Variants in TANC2 observed in about 807,000 individuals in gnomAD.
TANC2 encodes the protein tetratricopeptide repeat, ankyrin repeat and coiled-coil containing 2, also known as protein TANC2.
Under a neutral mutation model 210.5 loss-of-function variants are expected in TANC2, and 26 were observed. The observed-to-expected ratio is 0.12, with a 90% CI of 0.09 to 0.17. The LOEUF (loss-of-function observed/expected upper bound fraction) is 0.17, where lower values mean the gene tolerates loss of function less well. TANC2 is among the 10% of genes least tolerant of loss of function. The pLI, the probability that TANC2 is intolerant of heterozygous loss-of-function variation, is 1.00. For synonymous variants in TANC2, 931 were observed against 967.1 expected (o/e 0.96, Z 0.69); for missense variants, 2,129 against 2,608.9 (o/e 0.82, Z 4.01).
At chr17:63,370,849 T>C (rs2047246224) in intron 14 of TANC2, among the ~76,000 whole-genome samples, 1 of 152,228 alleles carries the variant, frequency 6.6e-6, no homozygotes, top group Admixed American at 6.5e-5. Context: ...ATATTATTTC[T>C]GTCTGCATTT....
intron 3 of TANC2, among the ~76,000 whole-genome samples, chr17:63,093,755 A>C (rs540104295): frequency 1.3e-5 from 2 of 152,246 alleles, no homozygotes; most frequent in South Asian, 4.1e-4. Context: ...AACATGGTAC[A>C]TTGCTCCATT....
chr17:63,345,631 A>C (rs1365585346), intron 12 of TANC2, among the ~76,000 whole-genome samples: 1 of 151,902 alleles, frequency 6.6e-6, no homozygotes, highest in Non-Finnish European at 1.5e-5. Flanking sequence ...AAAAAAAAAA[A>C]AAAAAAAACA....
intron 2 of TANC2, among the ~76,000 whole-genome samples, chr17:63,050,706 A>G (rs546965313): frequency 2.2e-4 from 34 of 152,350 alleles, no homozygotes; most frequent in Admixed American, 1.1e-3. Flanking sequence ...ACTGCATCAA[A>G]TGTTGATAAA....
At chr17:62,996,430 T>C (rs1374096784) in intron 1 of TANC2, among the ~76,000 whole-genome samples, 1 of 152,172 alleles carries the variant, frequency 6.6e-6, no homozygotes, top group African/African-American at 2.4e-5. Flanking sequence ...AATGCCAACC[T>C]GTAACCAGTG....
intron 2 of TANC2, among the ~76,000 whole-genome samples, chr17:63,024,915 G>T (rs1389797252): frequency 6.6e-6 from 1 of 152,150 alleles, no homozygotes; most frequent in South Asian, 2.1e-4. Context: ...AGATGTAAGA[G>T]ATTTTAAGTT....
At chr17:63,253,775 C>G (rs2043115363) in intron 8 of TANC2, among the ~76,000 whole-genome samples, 1 of 151,946 alleles carries the variant, frequency 6.6e-6, no homozygotes, top group Non-Finnish European at 1.5e-5. Context: ...GTGTGCCACC[C>G]ACACCCAACT....
At chr17:63,021,380 A>G (rs2034340931) in intron 2 of TANC2, among the ~76,000 whole-genome samples, 1 of 152,148 alleles carries the variant, frequency 6.6e-6, no homozygotes, top group African/African-American at 2.4e-5. Context: ...TTTAAGGTGG[A>G]TTAATGTCTT....
At chr17:63,094,492 GT>G (rs1442805617) in intron 3 of TANC2, among the ~76,000 whole-genome samples, 4 of 152,084 alleles carry the variant, frequency 2.6e-5, no homozygotes, top group Non-Finnish European at 4.4e-5. Flanking sequence ...CACCAATGAT[GT>G]ATACAGTTCA....
At chr17:63,015,067 C>G (rs2034042840) in intron 2 of TANC2, among the ~76,000 whole-genome samples, 1 of 151,260 alleles carries the variant, frequency 6.6e-6, no homozygotes, top group Admixed American at 6.6e-5. Context: ...TGGGTAGATA[C>G]TTTATTCTTT....
intron 8 of TANC2, among the ~76,000 whole-genome samples, chr17:63,254,658 C>G (rs747469352): frequency 6.6e-6 from 1 of 152,114 alleles, no homozygotes; most frequent in African/African-American, 2.4e-5. Context: ...CTTCTGTACC[C>G]AGTTTTTTTA....
chr17:63,289,441 C>G (rs896453625), intron 9 of TANC2, among the ~76,000 whole-genome samples: 1 of 152,010 alleles, frequency 6.6e-6, no homozygotes, highest in Non-Finnish European at 1.5e-5. Context: ...ATTCTTTACT[C>G]TGATTTTTAT....
intron 7 of TANC2, among the ~76,000 whole-genome samples, chr17:63,220,921 C>G (rs2042170430): frequency 6.6e-6 from 1 of 151,242 alleles, no homozygotes; most frequent in South Asian, 2.1e-4. Context: ...AACAGTTTGT[C>G]TTTACCCTAC....
rs1226943169 is a variant in TANC2 at position 63,339,976 on chromosome 17, CA to C, written c.1576-119del. 1.7e-5 allele frequency: 12 copies of C among 702,980 alleles called. 1 individual carries two copies. In the Middle Eastern group the frequency reaches 1.2e-3, roughly 73 times the overall value. 43.5% of individuals were successfully genotyped at this position (702,980 alleles called of 1,614,324 possible). Reference sequence around the variant, plus strand: ...TTGGAAAAGTTGAGGAATGAAGAGACAAAAAAGTATTATGTAATACTGAGAT... The same window carrying C: ...TTGGAAAAGTTGAGGAATGAAGAGACAAAAAGTATTATGTAATACTGAGAT... On this transcript the variant is annotated intron_variant, in intron 11 of 27. Coordinates refer to ENST00000689528, the Ensembl canonical transcript of TANC2.
chr17:62,995,758 A>G (rs2033079508), intron 1 of TANC2, among the ~76,000 whole-genome samples: 1 of 152,188 alleles, frequency 6.6e-6, no homozygotes, highest in Non-Finnish European at 1.5e-5. Flanking sequence ...GCATAATTTG[A>G]AGCTCTTCAG....
chr17:63,168,383 C>T (rs1030177606), intron 5 of TANC2, among the ~76,000 whole-genome samples: 2 of 152,088 alleles, frequency 1.3e-5, no homozygotes, highest in African/African-American at 4.8e-5. Context: ...TGACTCGTGC[C>T]ATTGATAGCT....
At chr17:63,229,998 G>A (rs2042430301) in intron 7 of TANC2, among the ~76,000 whole-genome samples, 1 of 152,088 alleles carries the variant, frequency 6.6e-6, no homozygotes. Context: ...ATTTTGCCAT[G>A]TTGGCCAGCC....
chr17:63,163,988 T>A (rs984818247), intron 5 of TANC2, among the ~76,000 whole-genome samples: 11 of 152,208 alleles, frequency 7.2e-5, no homozygotes, highest in African/African-American at 2.7e-4. Context: ...GAAAATTTTT[T>A]AAATAGTAGT....
At chr17:63,203,322 G>A (rs57226474) in intron 7 of TANC2, among the ~76,000 whole-genome samples, 58,340 of 151,964 alleles carry the variant, frequency 0.38, 11,788 homozygotes, top group Non-Finnish European at 0.45. Context: ...GCTACTTACA[G>A]TCTTTATCCT....
chr17:63,222,232 C>A (rs2042212637), intron 7 of TANC2, among the ~76,000 whole-genome samples: 2 of 152,164 alleles, frequency 1.3e-5, no homozygotes, highest in South Asian at 4.2e-4. Context: ...TTCCCAAAGG[C>A]CCTACCTCCT....
Sources: allele counts gnomAD v4.1 joint callset (sites outside exome capture counted in the v4.1 genomes callset), GRCh38; gene constraint gnomAD v4.1.1; transcripts MANE v1.5; gene names NCBI Gene and HGNC (gene_info 2026-07-23, HGNC 2026-07-21).